Variants in LRMDA observed in about 807,000 individuals in gnomAD.
The protein encoded by LRMDA is leucine-rich melanocyte differentiation-associated protein.
A neutral mutation model predicts 29.8 loss-of-function variants in LRMDA; 18 were observed. The observed-to-expected ratio is 0.60, with a 90% CI of 0.42 to 0.90. The LOEUF is 0.90. Among genes scored for constraint, LRMDA ranks in the 40% least tolerant of loss-of-function variants. The probability of loss-of-function intolerance (pLI) is 0.00; values close to 1 mark genes in which losing one functional copy is unlikely to be tolerated. For synonymous variants in LRMDA, 125 were observed against 109.4 expected (o/e 1.14, Z -0.89); for missense variants, 273 against 273.9 (o/e 1.00, Z 0.02).
At chr10:75,839,448 T>C (rs1163289892) in intron 2 of LRMDA, among the ~76,000 whole-genome samples, 1 of 152,174 alleles carries the variant, frequency 6.6e-6, no homozygotes. Context: ...CGTGCAAGAA[T>C]GGGGAGGATA....
rs1344448408 is a variant in LRMDA, at chr10:76,432,342, A to G, written c.601+107857A>G. On this transcript the variant is annotated intron_variant, in intron 6 of 6. Coordinates refer to ENST00000611255, the MANE Select transcript of LRMDA (RefSeq NM_001305581.2). ...AAGAGAACATAAAATGCTAGAGGAA[A>G]GATCATTCTAACACGGTGCAAATCC... 2.0e-5 allele frequency among the ~76,000 whole-genome samples: 3 copies of G among 152,162 alleles called. No individual in the cohort carries two copies. In the East Asian group the frequency reaches 5.8e-4, roughly 29 times the overall value.
At chr10:75,486,819 C>G (rs938896612) in intron 2 of LRMDA, among the ~76,000 whole-genome samples, 1 of 152,276 alleles carries the variant, frequency 6.6e-6, no homozygotes, top group African/African-American at 2.4e-5. Flanking sequence ...TTTGTTGGGA[C>G]CATCCCAGCC....
At chr10:75,653,009 T>C (rs1841619243) in intron 2 of LRMDA, among the ~76,000 whole-genome samples, 1 of 152,232 alleles carries the variant, frequency 6.6e-6, no homozygotes, top group Non-Finnish European at 1.5e-5. Flanking sequence ...GTTGCTTGAC[T>C]TCTTTGGGCT....
intron 2 of LRMDA, among the ~76,000 whole-genome samples, chr10:75,936,105 T>C (rs190968868): frequency 1.4e-3 from 208 of 152,316 alleles, no homozygotes; most frequent in African/African-American, 4.5e-3. Flanking sequence ...CCTTGTTTTA[T>C]ATTTATCATT....
chr10:76,165,541 G>C lies in LRMDA; in HGVS notation c.516+106758G>C, dbSNP rs144134951. Among the ~76,000 whole-genome samples, 10 of 152,316 alleles carry C rather than the reference G, an allele frequency of 6.6e-5. No individual in the cohort carries two copies. In the East Asian group the frequency reaches 1.9e-3, roughly 29 times the overall value. ...CCAGCCCCAGCCTCTCAAAGTGCTGGGATTACAGGCGTGAGCCATTGCACC... is the reference window on the plus strand; with the variant it reads ...CCAGCCCCAGCCTCTCAAAGTGCTGCGATTACAGGCGTGAGCCATTGCACC... On this transcript the variant is annotated intron_variant, in intron 5 of 6. Transcript: ENST00000611255.
intron 2 of LRMDA, among the ~76,000 whole-genome samples, chr10:75,797,543 T>C (rs1458439599): frequency 6.6e-6 from 1 of 152,190 alleles, no homozygotes; most frequent in Non-Finnish European, 1.5e-5. Flanking sequence ...CCATTTGCCG[T>C]CACTCTCTAT....
chr10:75,538,597 T>TTTTG lies in LRMDA; in HGVS notation c.131+100135_131+100138dup, dbSNP rs149300688. ...AATGTCTCAGATGGGCATTGAGTAG[T>TTTTG]TTTGTTTGTTTGTTTGTTTGTTTGT... On this transcript the variant is annotated intron_variant, in intron 2 of 6. Transcript: ENST00000611255. Among the ~76,000 whole-genome samples the TTTTG allele has an allele frequency of 5.6e-3, 846 of 151,364 alleles. 11 individuals carry two copies. Among genetic ancestry groups the TTTTG allele is most frequent in the South Asian group, 0.038 (183 of 4,780 alleles).
intron 2 of LRMDA, among the ~76,000 whole-genome samples, chr10:75,522,591 G>A (rs1241601402): frequency 6.6e-6 from 1 of 152,202 alleles, no homozygotes; most frequent in Non-Finnish European, 1.5e-5. Context: ...AAAGGGATGA[G>A]GCAGATTGTC....
chr10:75,454,064 G>A (rs567501846), intron 2 of LRMDA, among the ~76,000 whole-genome samples: 1 of 152,224 alleles, frequency 6.6e-6, no homozygotes, highest in East Asian at 1.9e-4. Flanking sequence ...CAGACGGAGG[G>A]GGCAGGGAAC....
intron 2 of LRMDA, among the ~76,000 whole-genome samples, chr10:75,584,461 T>A (rs1840633410): frequency 6.6e-6 from 1 of 152,230 alleles, no homozygotes; most frequent in African/African-American, 2.4e-5. Flanking sequence ...TATGTTTTAC[T>A]CAATTTGTAT....
rs557363128 is a variant in LRMDA at position 76,049,323 on chromosome 10, T to A, written c.398+2020T>A. ...TAGAGGTCATACAAAACCAAAATCATAACTAGTCAAAATTAACTTAGAAAA... is the reference window on the plus strand; with the variant it reads ...TAGAGGTCATACAAAACCAAAATCAAAACTAGTCAAAATTAACTTAGAAAA... On this transcript the variant is annotated intron_variant, in intron 4 of 6. Transcript: ENST00000611255. Among the ~76,000 whole-genome samples the A allele has an allele frequency of 2.4e-3, 368 of 152,270 alleles. 2 individuals are homozygous for A. Among genetic ancestry groups the A allele is most frequent in the African/African-American group, 7.4e-3 (308 of 41,562 alleles).
At chr10:76,159,637 T>C (rs1479971985) in intron 5 of LRMDA, among the ~76,000 whole-genome samples, 1 of 152,136 alleles carries the variant, frequency 6.6e-6, no homozygotes, top group African/African-American at 2.4e-5. Context: ...AACCAAGAGG[T>C]CCTTCAGTAG....
At chr10:76,000,667 T>G (rs1346742545) in intron 2 of LRMDA, among the ~76,000 whole-genome samples, 1 of 152,138 alleles carries the variant, frequency 6.6e-6, no homozygotes, top group African/African-American at 2.4e-5. Flanking sequence ...GGGAGGCCTG[T>G]GCATCTGTGA....
intron 5 of LRMDA, among the ~76,000 whole-genome samples, chr10:76,092,626 T>C (rs1017242264): frequency 2.0e-5 from 3 of 152,212 alleles, no homozygotes; most frequent in African/African-American, 7.2e-5. Context: ...ATCTCAGGTG[T>C]TTCACAGTTT....
intron 2 of LRMDA, among the ~76,000 whole-genome samples, chr10:75,726,756 C>T (rs1160782644): frequency 6.6e-6 from 1 of 152,204 alleles, no homozygotes; most frequent in Non-Finnish European, 1.5e-5. Context: ...ATGAGATAAG[C>T]CGGCCATGGC....
At chr10:76,272,054 G>A (rs1840074633) in intron 5 of LRMDA, among the ~76,000 whole-genome samples, 1 of 152,188 alleles carries the variant, frequency 6.6e-6, no homozygotes, top group Admixed American at 6.5e-5. Context: ...GATCCATGAA[G>A]GAATAGGGAG....
At chr10:75,708,880 T>C (rs769621523) in intron 2 of LRMDA, among the ~76,000 whole-genome samples, 1 of 152,200 alleles carries the variant, frequency 6.6e-6, no homozygotes, top group Non-Finnish European at 1.5e-5. Context: ...GGCTTGACCA[T>C]ATGGCCTCAT....
chr10:75,901,958 C>T (rs1037556944), intron 2 of LRMDA, among the ~76,000 whole-genome samples: 3 of 152,166 alleles, frequency 2.0e-5, no homozygotes, highest in Admixed American at 2.0e-4. Context: ...TCTCACCAGC[C>T]TCAGGGTTTT....
intron 2 of LRMDA, among the ~76,000 whole-genome samples, chr10:75,650,503 A>C (rs534687621): frequency 6.6e-6 from 1 of 151,510 alleles, no homozygotes; most frequent in Admixed American, 6.6e-5. Flanking sequence ...TTTTCATGAT[A>C]AGGTTGAGAG....
Sources: allele counts gnomAD v4.1 joint callset (sites outside exome capture counted in the v4.1 genomes callset), GRCh38; gene constraint gnomAD v4.1.1; transcripts MANE v1.5; gene names NCBI Gene and HGNC (gene_info 2026-07-23, HGNC 2026-07-21).